DNAJC17: variants seen among roughly 807,000 people sequenced by gnomAD.
The protein encoded by DNAJC17 is dnaJ homolog subfamily C member 17.
DNAJC17 carries 35 observed loss-of-function variants against 48.1 expected under a neutral mutation model. That is an observed-to-expected ratio of 0.73 (90% CI 0.56 to 0.96). The LOEUF (loss-of-function observed/expected upper bound fraction) is 0.96, where lower values mean the gene tolerates loss of function less well. DNAJC17 is among the 50% of genes least tolerant of loss of function. The pLI is 0.00. For synonymous variants in DNAJC17, 117 were observed against 142.7 expected, an observed-to-expected ratio of 0.82 and a Z score of 1.28; for missense variants, 355 against 377.1, an observed-to-expected ratio of 0.94 and a Z score of 0.48.
intron 1 of DNAJC17, among the ~76,000 whole-genome samples, chr15:40,793,522 G>A (rs1047555482): frequency 5.3e-5 from 8 of 152,112 alleles, no homozygotes; most frequent in Admixed American, 3.3e-4. Context: ...ATCCTCCACC[G>A]CCTTCCTACC....
chr15:40,804,068 G>A (rs1162972471), intron 1 of DNAJC17, among the ~76,000 whole-genome samples: 3 of 151,856 alleles, frequency 2.0e-5, no homozygotes, highest in African/African-American at 7.3e-5. Flanking sequence ...CCAGGCTCAA[G>A]TGATCCTCCC....
intron 1 of DNAJC17, among the ~76,000 whole-genome samples, chr15:40,790,061 T>C (rs1402637725): frequency 3.9e-5 from 6 of 152,148 alleles, no homozygotes; most frequent in Non-Finnish European, 8.8e-5. Context: ...AAATGGAAAC[T>C]GTGCTATGGT....
In DNAJC17 at chr15:40,788,954, C is replaced by G. The variant is rs535772038; in HGVS notation, c.79-8957G>C. 1.1e-4 allele frequency among the ~76,000 whole-genome samples: 17 copies of G among 152,332 alleles called. No homozygotes were observed. The East Asian group carries it at 3.3e-3, about 29-fold the overall frequency. On this transcript the variant is annotated intron_variant, in intron 1 of 10. Transcript: ENST00000220496. The stretch of plus-strand genomic sequence containing the variant: ...TTACAGCCTGTGACCCCTATTGGGA[C>G]AGCACTACAGAGAAGTCCCCAAATG...
At chr15:40,793,731 T>C (rs1169575600) in intron 1 of DNAJC17, among the ~76,000 whole-genome samples, 1 of 151,922 alleles carries the variant, frequency 6.6e-6, no homozygotes, top group East Asian at 1.9e-4. Flanking sequence ...AACTGACTCA[T>C]AGTGAGCGCT....
At chr15:40,771,105 G>A in intron 10 of DNAJC17, 2 of 1,324,346 alleles carry the variant, frequency 1.5e-6, no homozygotes, top group Non-Finnish European at 2.1e-6. Context: ...CAGGACTCCA[G>A]GCCCATCGCT....
At chr15:40,794,919 G>A (rs546170369) in intron 1 of DNAJC17, among the ~76,000 whole-genome samples, 6 of 151,858 alleles carry the variant, frequency 4.0e-5, no homozygotes, top group Non-Finnish European at 7.4e-5. Context: ...GGGTTTCGTC[G>A]TGTTGGCCAG....
rs1364538372 is a variant in DNAJC17, at chr15:40,779,249, T to C, written c.269A>G (p.Asp90Gly). 7 of 1,614,120 alleles carry C rather than the reference T, an allele frequency of 4.3e-6. No individual in the cohort carries two copies. The highest frequency in any genetic ancestry group is 1.1e-5 in the South Asian group (1 of 91,070). The change falls in exon 4 of 11, where the codon GAT (aspartate) becomes GGT (glycine). Residue 90 changes from aspartate to glycine, a missense_variant. Physicochemically the swap from Asp to Gly is moderately conservative, Grantham distance 94. This residue lies in a region of DNAJC17 where 199 missense variants were observed against 199.9 expected (regional missense o/e 1.00). Transcript: ENST00000220496. ...AAGCTTCACTTTCTTCCTTTTCTCA[T>C]CAAGTTTCTGGGTCCTCTCTGCTGC... ...KQAAERTQKL[D>G]EKRKKVKLDL...
chr15:40,804,625 A>C (rs1438214972), intron 1 of DNAJC17, among the ~76,000 whole-genome samples: 7 of 152,120 alleles, frequency 4.6e-5, no homozygotes. Flanking sequence ...AAAAAAAATA[A>C]AATCTGATTA....
At chr15:40,774,928 T>A in intron 8 of DNAJC17, 103 bp downstream of exon 8, 1 of 1,192,934 alleles carries the variant, frequency 8.4e-7, no homozygotes, top group Non-Finnish European at 1.2e-6. Flanking sequence ...AAAAAGCAAG[T>A]AGATATGTTA....
intron 4 of DNAJC17, among the ~76,000 whole-genome samples, chr15:40,777,437 G>A (rs577637626): frequency 6.6e-6 from 1 of 152,144 alleles, no homozygotes; most frequent in Non-Finnish European, 1.5e-5. Flanking sequence ...GCTTGGACTG[G>A]GCCAGGCGCG....
At chr15:40,786,223 T>C (rs1889637636) in intron 1 of DNAJC17, among the ~76,000 whole-genome samples, 1 of 152,174 alleles carries the variant, frequency 6.6e-6, no homozygotes, top group South Asian at 2.1e-4. Context: ...CAACAATTAT[T>C]TTTTATAACT....
chr15:40,789,928 A>G (rs1028226280), intron 1 of DNAJC17, among the ~76,000 whole-genome samples: 7 of 149,434 alleles, frequency 4.7e-5, no homozygotes, highest in Admixed American at 6.6e-5. Context: ...AAAAAAAAAA[A>G]AAAGAAAAGA....
rs371276066 is a variant in DNAJC17, at chr15:40,806,525, A to G, written c.78+844T>C. ...AGCCACCGCGCCCGGCCTAGTAGAC[A>G]CTAATTTTCTTTCTTTCTTTCTTTT... On this transcript the variant is annotated intron_variant, in intron 1 of 10. Coordinates refer to ENST00000220496, the MANE Select transcript of DNAJC17 (RefSeq NM_018163.3). 3.8e-4 allele frequency among the ~76,000 whole-genome samples: 58 copies of G among 151,340 alleles called. No homozygotes were observed. In the Middle Eastern group the frequency reaches 0.011, roughly 28 times the overall value.
chr15:40,766,141 C>G lies in DNAJC17; in HGVS notation c.*1799G>C, dbSNP rs1011847764. 2.6e-6 allele frequency: 1 copy of G among 385,844 alleles called. No homozygotes were observed. Among genetic ancestry groups the G allele is most frequent in the Non-Finnish European group, 4.7e-6 (1 of 213,126 alleles). The allele number at this position is 385,844 out of a possible 1,614,324, so 23.9% of individuals were successfully genotyped here. A position where few individuals can be genotyped will look rare whatever the true frequency, so the allele number is the denominator to read the frequency against. The stretch of plus-strand genomic sequence containing the variant: ...GCTCTGAAAGCTTTCCACATCCTTA[C>G]TGGAACCGCAGAAACAGAGTCCGTT... On this transcript the variant is annotated 3_prime_UTR_variant, in exon 11 of 11. Transcript: ENST00000220496.
intron 3 of DNAJC17, 112 bp from the exon 4 acceptor site, chr15:40,779,422 TG>T: frequency 6.5e-7 from 1 of 1,546,090 alleles, no homozygotes; most frequent in Admixed American, 1.7e-5. Context: ...GCCTGGTGAC[TG>T]GGTCTCCTGG....
chr15:40,788,261 C>A (rs1889694994), intron 1 of DNAJC17, among the ~76,000 whole-genome samples: 1 of 152,192 alleles, frequency 6.6e-6, no homozygotes. Context: ...GCTCTGGGCA[C>A]CTGCCTAAAA....
At chr15:40,804,131 T>A (rs1168511589) in intron 1 of DNAJC17, among the ~76,000 whole-genome samples, 1 of 141,870 alleles carries the variant, frequency 7.0e-6, no homozygotes, top group Non-Finnish European at 1.5e-5. Flanking sequence ...CCTGCCCAGC[T>A]TTTTTTTTTA....
Position 40,767,872 on chromosome 15 carries a change from T to TAAA in DNAJC17, c.*65_*67dup. 5 of 1,242,982 alleles carry TAAA rather than the reference T, an allele frequency of 4.0e-6. No individual in the cohort carries two copies. Among genetic ancestry groups the TAAA allele is most frequent in the Non-Finnish European group, 4.4e-6 (4 of 906,218 alleles). 77.0% of individuals were successfully genotyped at this position (1,242,982 alleles called of 1,614,324 possible). A position where few individuals can be genotyped will look rare whatever the true frequency, so the allele number is the denominator to read the frequency against. On this transcript the variant is annotated 3_prime_UTR_variant, in exon 11 of 11. Coordinates refer to ENST00000220496, the MANE Select transcript of DNAJC17 (RefSeq NM_018163.3). ...TATGTATGGGATAGAGGTAAAATCT[T>TAAA]AAAAAAAAAAAAAATTTATTGGTGA...
At position 40,776,592 on chromosome 15, in the gene DNAJC17, C is replaced by G; in HGVS notation, c.331G>C (p.Glu111Gln). 3 of 1,613,962 alleles carry G rather than the reference C, an allele frequency of 1.9e-6. No homozygotes were observed. The highest frequency in any genetic ancestry group is 1.7e-6 in the Non-Finnish European group (2 of 1,179,948). ...EARERQAQAQ[E>Q]SEEEEESRST... ...CGGCTCTCCTCTTCCTCCTCACTCT[C>G]CTGGGCCTGGGCCTGCCGCTCCCGG... The change falls in exon 5 of 11, where the codon GAG (glutamate) becomes CAG (glutamine). Residue 111 changes from glutamate to glutamine, a missense_variant. Glu to Gln is a conservative substitution (Grantham distance 29, BLOSUM62 2). This residue lies in a region of DNAJC17 where 199 missense variants were observed against 199.9 expected (regional missense o/e 1.00). Coordinates refer to ENST00000220496, the MANE Select transcript of DNAJC17 (RefSeq NM_018163.3).
Sources: allele counts gnomAD v4.1 joint callset (sites outside exome capture counted in the v4.1 genomes callset), GRCh38; gene constraint gnomAD v4.1.1; regional missense constraint gnomAD v4.1.1; transcripts MANE v1.5; gene names NCBI Gene and HGNC (gene_info 2026-07-23, HGNC 2026-07-21).